FHIP2A: variants seen among roughly 807,000 people sequenced by gnomAD.
FHIP2A encodes FHF complex subunit HOOK interacting protein 2A.
In FHIP2A, 46 loss-of-function variants were observed where a neutral mutation model predicts 93.5. The ratio of observed to expected loss-of-function variants is 0.49; its 90% CI spans 0.39 to 0.63. FHIP2A has a LOEUF of 0.63. Among genes scored for constraint, FHIP2A ranks in the 20% least tolerant of loss-of-function variants. The pLI is 0.00. For missense variants in FHIP2A, 769 were observed against 909.7 expected (o/e 0.85, Z 1.99); for synonymous variants, 332 against 326.5 (o/e 1.02, Z -0.18).
Position 114,847,093 on chromosome 10 carries a change from T to C in FHIP2A, c.1572T>C (p.Asp524=). 6.2e-7 allele frequency: 1 copy of C among 1,604,076 alleles called. No individual in the cohort carries two copies. The highest frequency in any genetic ancestry group is 1.1e-5 in the South Asian group (1 of 88,572). Residue 524 remains aspartate (D), a synonymous_variant, in exon 12 of 17, where the codon GAT becomes GAC. Coordinates refer to ENST00000369248, the MANE Select transcript of FHIP2A (RefSeq NM_020940.4). The part of the protein sequence containing the change: ...VENGLIAGAV[D]LEEDPLFTDI... ...TGTGTCATTAAATTTAACTTAGAGA[T>C]CTGGAAGAAGATCCATTATTTACTG... is the stretch of plus-strand genomic sequence containing the variant.
rs1204270063 is a variant in FHIP2A, at chr10:114,848,722, A to G, written c.1788A>G (p.Arg596=). The G allele has an allele frequency of 6.2e-7, 1 of 1,611,514 alleles. No homozygotes were observed. The highest frequency in any genetic ancestry group is 1.3e-5 in the African/African-American group (1 of 74,794). The stretch of plus-strand genomic sequence containing the variant: ...GCACAGGATATGACACTTACCTCCG[A>G]GACGCTCATAGGCAGGTAGGTGAAG... ...VEGTGYDTYL[R]DAHRQFRDYC... is the part of the protein sequence containing the mutation. The change falls in exon 13 of 17, where the codon CGA becomes CGG. Residue 596 remains arginine, a synonymous_variant. Transcript: ENST00000369248.
Position 114,863,801 on chromosome 10 carries a change from G to A in FHIP2A, c.*2261G>A. 1 of 1,139,516 alleles carries A rather than the reference G, an allele frequency of 8.8e-7. No homozygotes were observed. Among genetic ancestry groups the A allele is most frequent in the Non-Finnish European group, 1.1e-6 (1 of 907,500 alleles). The allele number at this position is 1,139,516 out of a possible 1,614,324, so 70.6% of individuals were successfully genotyped here. A position where few individuals can be genotyped will look rare whatever the true frequency, so the allele number is the denominator to read the frequency against. On this transcript the variant is annotated 3_prime_UTR_variant, in exon 17 of 17. Transcript: ENST00000369248. The stretch of plus-strand genomic sequence containing the variant: ...AACAGTAACTAAAATGCACTATGCT[G>A]AGTGGAAAGCACCGTCATAACAATT...
intron 1 of FHIP2A, among the ~76,000 whole-genome samples, chr10:114,827,319 T>G (rs947297421): frequency 1.3e-5 from 2 of 152,254 alleles, no homozygotes; most frequent in African/African-American, 4.8e-5. Flanking sequence ...TATTTATGCA[T>G]TTATATATAT....
At chr10:114,846,393 G>A (rs1215327556) in intron 10 of FHIP2A, 26 bp downstream of exon 10, 1 of 1,580,348 alleles carries the variant, frequency 6.3e-7, no homozygotes, top group Non-Finnish European at 8.6e-7. Flanking sequence ...ATTTAGAATT[G>A]GACTTAGATT....
chr10:114,866,723 G>C (rs1184394587), downstream of FHIP2A, among the ~76,000 whole-genome samples: 1 of 152,164 alleles, frequency 6.6e-6, no homozygotes, highest in African/African-American at 2.4e-5. Flanking sequence ...GGTGAACACT[G>C]TTAGAGAAAC....
Position 114,848,635 on chromosome 10 carries a change from TTTTCA to T in FHIP2A, c.1713-8_1713-4del. 1 of 1,577,898 alleles carries T rather than the reference TTTTCA, an allele frequency of 6.3e-7. No individual in the cohort carries two copies. Among genetic ancestry groups the T allele is most frequent in the Non-Finnish European group, 8.7e-7 (1 of 1,149,962 alleles). On this transcript the variant is annotated splice_polypyrimidine_tract_variant and splice_region_variant and intron_variant, in intron 12 of 16. Coordinates refer to ENST00000369248, the MANE Select transcript of FHIP2A (RefSeq NM_020940.4). ...TGGACATCTTGCATAATTGTGGCCG[TTTTCA>T]TTTAAGTTTTCTCTGTCTGGTACCG...
intron 13 of FHIP2A, among the ~76,000 whole-genome samples, chr10:114,851,609 T>G (rs2083736478): frequency 6.7e-6 from 1 of 149,694 alleles, no homozygotes; most frequent in Non-Finnish European, 1.5e-5. Flanking sequence ...GTTTTGAAAT[T>G]GAGAAATATG....
chr10:114,870,900 A>G (rs962002582), intron 16 of FHIP2A, among the ~76,000 whole-genome samples: 4 of 152,110 alleles, frequency 2.6e-5, no homozygotes, highest in African/African-American at 7.2e-5. Context: ...CATTTGGTTA[A>G]TAAGAGGCTC....
chr10:114,874,692 T>C (rs1428580331), intron 16 of FHIP2A, among the ~76,000 whole-genome samples: 2 of 151,992 alleles, frequency 1.3e-5, no homozygotes, highest in Non-Finnish European at 2.9e-5. Flanking sequence ...TTAGTAGAAA[T>C]GGGGTTTCAC....
At chr10:114,880,927 C>T (rs1592032779) in intron 16 of FHIP2A, among the ~76,000 whole-genome samples, 1 of 152,210 alleles carries the variant, frequency 6.6e-6, no homozygotes, top group African/African-American at 2.4e-5. Context: ...CAACAGGGAC[C>T]TTCCCTCCTT....
At chr10:114,847,031 T>C (rs2083705396) in intron 11 of FHIP2A, 59 bp from the exon 12 acceptor site, 1 of 1,401,528 alleles carries the variant, frequency 7.1e-7, no homozygotes, top group Non-Finnish European at 9.8e-7. Flanking sequence ...GAGAATCTTT[T>C]GGTTTAGAAA....
chr10:114,882,458 T>G (rs1223228359), intron 16 of FHIP2A, among the ~76,000 whole-genome samples: 1 of 152,138 alleles, frequency 6.6e-6, no homozygotes, highest in East Asian at 1.9e-4. Context: ...GCTAGTGCAG[T>G]GAGGACTACA....
At chr10:114,898,410 C>G (rs1395347106) in intron 16 of FHIP2A, among the ~76,000 whole-genome samples, 1 of 152,158 alleles carries the variant, frequency 6.6e-6, no homozygotes, top group Non-Finnish European at 1.5e-5. Flanking sequence ...TGGTGAGAGA[C>G]TCATGGTTCC....
At chr10:114,842,899 A>AC in intron 5 of FHIP2A, 34 bp from the exon 6 acceptor site, 1 of 1,407,210 alleles carries the variant, frequency 7.1e-7, no homozygotes, top group Non-Finnish European at 9.7e-7. Context: ...AAAGTTATTG[A>AC]TGTGAATTTT....
intron 7 of FHIP2A, among the ~76,000 whole-genome samples, chr10:114,844,208 G>GATT (rs1260968864): frequency 6.6e-6 from 1 of 152,040 alleles, no homozygotes; most frequent in Non-Finnish European, 1.5e-5. Flanking sequence ...AATTTTAACT[G>GATT]ATTATTAAAA....
At chr10:114,876,147 C>A (rs1342424745) in intron 16 of FHIP2A, among the ~76,000 whole-genome samples, 2 of 152,218 alleles carry the variant, frequency 1.3e-5, no homozygotes, top group Non-Finnish European at 2.9e-5. Context: ...TCCCCCCTGT[C>A]TGGTGGCTGG....
intron 8 of FHIP2A, among the ~76,000 whole-genome samples, 184 bp downstream of exon 8, chr10:114,845,665 AAAGTTC>A (rs1477104360): frequency 6.6e-6 from 1 of 152,222 alleles, no homozygotes; most frequent in Non-Finnish European, 1.5e-5. Context: ...AGAATAAATC[AAAGTTC>A]AAGTTCTGCC....
In FHIP2A at chr10:114,845,287, C is replaced by T. The variant is rs534362572; in HGVS notation, c.1014-80C>T. The stretch of plus-strand genomic sequence containing the variant: ...CATACTATCTGAGTGTGTTCATGTG[C>T]CTTCATTTTTCCATACATTCTGAAT... On this transcript the variant is annotated intron_variant, in intron 7 of 16. Transcript: ENST00000369248. The T allele has an allele frequency of 2.5e-5, 19 of 768,572 alleles. No individual in the cohort carries two copies. In the East Asian group the frequency reaches 4.7e-4, roughly 19 times the overall value. 47.6% of individuals were successfully genotyped at this position (768,572 alleles called of 1,614,324 possible). A position where few individuals can be genotyped will look rare whatever the true frequency, so the allele number is the denominator to read the frequency against.
intron 13 of FHIP2A, among the ~76,000 whole-genome samples, chr10:114,848,959 A>G (rs933591492): frequency 2.6e-4 from 40 of 151,836 alleles, no homozygotes; most frequent in Non-Finnish European, 4.4e-5. Flanking sequence ...CCTGGCCAAC[A>G]TGGTGAAACC....
Sources: allele counts gnomAD v4.1 joint callset (sites outside exome capture counted in the v4.1 genomes callset), GRCh38; gene constraint gnomAD v4.1.1; transcripts MANE v1.5; gene names NCBI Gene and HGNC (gene_info 2026-07-23, HGNC 2026-07-21).